The following PPP2R2B variants were observed in gnomAD, a reference collection of about 807,000 sequenced individuals.
The protein encoded by PPP2R2B is protein phosphatase 2 regulatory subunit Bbeta, also known as serine/threonine-protein phosphatase 2A 55 kDa regulatory subunit B beta isoform.
Under a neutral mutation model 46.0 loss-of-function variants are expected in PPP2R2B, and 5 were observed. The ratio of observed to expected loss-of-function variants is 0.11; its 90% CI spans 0.06 to 0.23. PPP2R2B has a LOEUF of 0.23. PPP2R2B is among the 10% of genes least tolerant of loss of function. PPP2R2B has a pLI of 1.00. For synonymous variants in PPP2R2B, 215 were observed against 206.7 expected (o/e 1.04, Z -0.34); for missense variants, 367 against 575.0 (o/e 0.64, Z 3.70).
chr5:146,706,341 C>A (rs1402761345), intron 2 of PPP2R2B: 2 of 586,544 alleles, frequency 3.4e-6, no homozygotes, highest in Admixed American at 2.0e-5. Context: ...GAGCTCAGGC[C>A]GTAGCTGAGG....
At chr5:146,829,622 A>T (rs1481099464) in intron 2 of PPP2R2B, among the ~76,000 whole-genome samples, 1 of 152,178 alleles carries the variant, frequency 6.6e-6, no homozygotes, top group Non-Finnish European at 1.5e-5. Flanking sequence ...CCTATTTCAT[A>T]GAGACACCAT....
intron 2 of PPP2R2B, among the ~76,000 whole-genome samples, chr5:146,810,787 A>T (rs112323270): frequency 1.3e-5 from 2 of 151,492 alleles, no homozygotes; most frequent in African/African-American, 4.9e-5. Flanking sequence ...GGTTTGTTAC[A>T]TATGTATACA....
intron 2 of PPP2R2B, among the ~76,000 whole-genome samples, chr5:146,827,276 T>C (rs1358491503): frequency 6.6e-6 from 1 of 152,226 alleles, no homozygotes; most frequent in Non-Finnish European, 1.5e-5. Context: ...ATTTATTTTA[T>C]TTCAGATGAG....
intron 2 of PPP2R2B, among the ~76,000 whole-genome samples, chr5:146,816,700 T>A (rs1757953227): frequency 6.6e-6 from 1 of 152,184 alleles, no homozygotes; most frequent in African/African-American, 2.4e-5. Flanking sequence ...TAAACATGAT[T>A]TCAGAAATTA....
intron 7 of PPP2R2B, among the ~76,000 whole-genome samples, chr5:146,622,334 C>T (rs1249654581): frequency 6.6e-6 from 1 of 152,082 alleles, no homozygotes; most frequent in Non-Finnish European, 1.5e-5. Context: ...CACAACAATC[C>T]AGTAATGCAT....
chr5:146,744,476 G>A (rs970982331), intron 2 of PPP2R2B, among the ~76,000 whole-genome samples: 1 of 152,196 alleles, frequency 6.6e-6, no homozygotes, highest in African/African-American at 2.4e-5. Context: ...CACAGGCTGG[G>A]ACTGAAGAGA....
rs112496048 is a variant in PPP2R2B at position 146,783,991 on chromosome 5, C to T, written c.71-82849G>A. ...ATGAGCTTAGCACGTAATTCCCAGA[C>T]CTACAAAACTTGGCACACAAAGGAA... On this transcript the variant is annotated intron_variant, in intron 2 of 9. Coordinates refer to ENST00000394411, the MANE Select transcript of PPP2R2B (RefSeq NM_181675.4). Among the ~76,000 whole-genome samples the T allele has an allele frequency of 6.5e-3, 996 of 152,206 alleles. 17 individuals are homozygous for T. The highest frequency in any genetic ancestry group is 0.023 in the African/African-American group (958 of 41,516).
chr5:146,746,897 G>C (rs570002453), intron 2 of PPP2R2B, among the ~76,000 whole-genome samples: 2 of 152,248 alleles, frequency 1.3e-5, no homozygotes, highest in African/African-American at 4.8e-5. Flanking sequence ...GGCTCAGGAA[G>C]GCCAACCTAA....
chr5:146,941,681 T>C (rs1054575452), intron 1 of PPP2R2B, among the ~76,000 whole-genome samples: 1 of 152,174 alleles, frequency 6.6e-6, no homozygotes, highest in South Asian at 2.1e-4. Context: ...GAACAGTTAA[T>C]AGAGGAGTTT....
intron 2 of PPP2R2B, among the ~76,000 whole-genome samples, chr5:146,734,645 C>T (rs184903520): frequency 2.6e-5 from 4 of 152,260 alleles, no homozygotes; most frequent in African/African-American, 7.2e-5. Flanking sequence ...ATGCTTCTCT[C>T]TCCCACTCTG....
chr5:146,671,365 G>A (rs991993815), intron 5 of PPP2R2B, among the ~76,000 whole-genome samples: 4 of 152,180 alleles, frequency 2.6e-5, no homozygotes, highest in Non-Finnish European at 5.9e-5. Flanking sequence ...TCCCCATTAA[G>A]AACCGCTAAA....
intron 1 of PPP2R2B, among the ~76,000 whole-genome samples, chr5:146,900,830 G>A (rs989174552): frequency 1.6e-4 from 24 of 148,160 alleles, no homozygotes; most frequent in African/African-American, 5.8e-4. Flanking sequence ...GTGTGTTATT[G>A]TTCCCCTCCC....
At chr5:147,017,143 C>T (rs958303777) in intron 1 of PPP2R2B, among the ~76,000 whole-genome samples, 1 of 151,534 alleles carries the variant, frequency 6.6e-6, no homozygotes, top group Non-Finnish European at 1.5e-5. Context: ...AAATGGAATG[C>T]CCAAGCCAGA....
At chr5:146,731,233 G>C (rs1044516862) in intron 2 of PPP2R2B, among the ~76,000 whole-genome samples, 5 of 152,216 alleles carry the variant, frequency 3.3e-5, no homozygotes, top group African/African-American at 1.2e-4. Flanking sequence ...ACAAAAATGG[G>C]ATGTTTTCAG....
chr5:146,646,315 A>C (rs1046676732), intron 6 of PPP2R2B, among the ~76,000 whole-genome samples: 1 of 152,228 alleles, frequency 6.6e-6, no homozygotes, highest in Non-Finnish European at 1.5e-5. Flanking sequence ...AAAAGAGTTC[A>C]AAGGATTCTA....
At chr5:146,860,233 C>T (rs1760904534) in intron 2 of PPP2R2B, among the ~76,000 whole-genome samples, 1 of 152,162 alleles carries the variant, frequency 6.6e-6, no homozygotes, top group African/African-American at 2.4e-5. Context: ...TTTAAGTATA[C>T]ATTTTCCCTG....
At chr5:146,616,207 A>G (rs1224363897) in intron 7 of PPP2R2B, among the ~76,000 whole-genome samples, 2 of 152,210 alleles carry the variant, frequency 1.3e-5, no homozygotes, top group Non-Finnish European at 2.9e-5. Context: ...ACTAGATCCC[A>G]ATCACTCAAC....
chr5:146,747,958 G>A (rs1439082665), intron 2 of PPP2R2B, among the ~76,000 whole-genome samples: 8 of 152,088 alleles, frequency 5.3e-5, no homozygotes, highest in African/African-American at 9.7e-5. Context: ...CACAAAGCAT[G>A]GTTTAACCCG....
intron 7 of PPP2R2B, among the ~76,000 whole-genome samples, chr5:146,628,688 A>G (rs1446494622): frequency 1.3e-5 from 2 of 152,238 alleles, no homozygotes; most frequent in Non-Finnish European, 2.9e-5. Context: ...GTGCCACCAC[A>G]CACAAGATTG....
Sources: gnomAD v4.1 joint callset for allele counts (sites outside exome capture counted in the v4.1 genomes callset) on GRCh38, gnomAD v4.1.1 for gene constraint, MANE v1.5 for transcripts, NCBI Gene and HGNC (gene_info 2026-07-23, HGNC 2026-07-21) for gene names.